COLEC12: variants seen among roughly 807,000 people sequenced by gnomAD.
COLEC12 encodes collectin subfamily member 12.
In COLEC12, 33 loss-of-function variants were observed where a neutral mutation model predicts 71.1. The observed-to-expected ratio is 0.46, with a 90% CI of 0.35 to 0.62. COLEC12 has a LOEUF of 0.62. COLEC12 is among the 20% of genes least tolerant of loss of function. COLEC12 has a pLI of 0.00. For missense variants in COLEC12, 765 were observed against 916.1 expected (o/e 0.84, Z 2.13); for synonymous variants, 350 against 353.0 (o/e 0.99, Z 0.10).
chr18:345,450 C>T (rs748737050), intron 5 of COLEC12, among the ~76,000 whole-genome samples: 2 of 152,100 alleles, frequency 1.3e-5, no homozygotes, highest in Admixed American at 6.5e-5. Flanking sequence ...TGGTCTCAAG[C>T]GATCCTCCCA....
chr18:471,510 A>C (rs1917196904), intron 2 of COLEC12, among the ~76,000 whole-genome samples: 1 of 151,998 alleles, frequency 6.6e-6, no homozygotes, highest in Non-Finnish European at 1.5e-5. Context: ...AAACTAGAAC[A>C]GCACCTTGTA....
intron 2 of COLEC12, among the ~76,000 whole-genome samples, chr18:412,535 C>T (rs1390533692): frequency 3.3e-5 from 5 of 150,040 alleles, no homozygotes; most frequent in Non-Finnish European, 5.9e-5. Flanking sequence ...GAAGGAAGAA[C>T]AAAGCAAACA....
chr18:373,725 C>T (rs577989264), intron 2 of COLEC12, among the ~76,000 whole-genome samples: 3 of 152,076 alleles, frequency 2.0e-5, no homozygotes, highest in Non-Finnish European at 4.4e-5. Flanking sequence ...GCAGCAGCCC[C>T]CCACCTCCCC....
chr18:460,339 G>C lies in COLEC12; in HGVS notation c.58+20368C>G, dbSNP rs149606829. On this transcript the variant is annotated intron_variant, in intron 2 of 9. Transcript: ENST00000400256. ...TCACCTTTTGAATCCCCCATCCCCA[G>C]CCCAAGTTTCATTTTACGCATCAGT... 4.8e-3 allele frequency among the ~76,000 whole-genome samples: 724 copies of C among 152,174 alleles called. 9 individuals carry two copies. The highest frequency in any genetic ancestry group is 0.013 in the African/African-American group (557 of 41,514).
At chr18:372,331 G>A (rs979470914) in intron 2 of COLEC12, among the ~76,000 whole-genome samples, 2 of 152,224 alleles carry the variant, frequency 1.3e-5, no homozygotes, top group South Asian at 2.1e-4. Context: ...GCTGGGAGCA[G>A]GCAATCCAAA....
rs763131541 is a variant in COLEC12, at chr18:335,138, C to T, written c.1420G>A (p.Glu474Lys). ...GNKGQKGEKG[E>K]PGPPGPAGER... The stretch of plus-strand genomic sequence containing the variant: ...CCCGCAGGGCCAGGTGGTCCAGGCT[C>T]CCCCTTCTCTCCTTTCTGTCCCTTG... The change falls in exon 6 of 10, where the codon GAG becomes AAG. Residue 474 changes from glutamate to lysine, a missense_variant. Transcript: ENST00000400256. The T allele has an allele frequency of 1.1e-5, 17 of 1,612,666 alleles. No homozygotes were observed. In the South Asian group the frequency reaches 1.8e-4, roughly 17 times the overall value.
intron 2 of COLEC12, among the ~76,000 whole-genome samples, chr18:368,301 A>G (rs886319419): frequency 5.9e-5 from 9 of 152,252 alleles, no homozygotes; most frequent in Admixed American, 2.6e-4. Flanking sequence ...CACCAGGCAC[A>G]GTGGCTCATG....
intron 2 of COLEC12, among the ~76,000 whole-genome samples, chr18:466,047 G>T (rs1210410274): frequency 6.6e-6 from 1 of 152,060 alleles, no homozygotes; most frequent in East Asian, 1.9e-4. Context: ...CGGCCTTGGG[G>T]ACAGAGTGAG....
chr18:425,512 GT>G (rs1253912559), intron 2 of COLEC12, among the ~76,000 whole-genome samples: 1 of 152,154 alleles, frequency 6.6e-6, no homozygotes, highest in Non-Finnish European at 1.5e-5. Flanking sequence ...ATTCCTGAGA[GT>G]CCCCCCAGGC....
At chr18:361,837 G>A (rs1341575695) in intron 2 of COLEC12, among the ~76,000 whole-genome samples, 1 of 152,170 alleles carries the variant, frequency 6.6e-6, no homozygotes, top group Non-Finnish European at 1.5e-5. Context: ...CATGGCTGAT[G>A]GGCGGGTTTA....
intron 2 of COLEC12, among the ~76,000 whole-genome samples, chr18:470,983 T>TAA (rs35343812): frequency 0.31 from 47,167 of 152,014 alleles, 7,594 homozygotes; most frequent in East Asian, 0.53. Flanking sequence ...GCCTTGGGAA[T>TAA]AAGAATGCAG....
chr18:355,798 A>G lies in COLEC12; in HGVS notation c.181+1602T>C, dbSNP rs1240198201. ...AAAAGGAAGAGAGATAGTCCGGATT[A>G]CCTGGGACATGGAAAACCCTCCTTT... On this transcript the variant is annotated intron_variant, in intron 3 of 9. Transcript: ENST00000400256. Among the ~76,000 whole-genome samples, 6 of 152,226 alleles carry G rather than the reference A, an allele frequency of 3.9e-5. No individual in the cohort carries two copies. The East Asian group carries it at 1.2e-3, about 29-fold the overall frequency.
Position 483,353 on chromosome 18 carries a change from C to T in COLEC12, c.8-2596G>A, listed in dbSNP as rs112771536. 5.9e-3 allele frequency among the ~76,000 whole-genome samples: 892 copies of T among 150,220 alleles called. 9 individuals carry two copies. Among genetic ancestry groups the T allele is most frequent in the African/African-American group, 0.019 (793 of 40,788 alleles). ...TGGAGTTTGCAGTGAGCCAAGATCA[C>T]GCCAACTACACTCCAGCCTGAGCGA... On this transcript the variant is annotated intron_variant, in intron 1 of 9. Coordinates refer to ENST00000400256, the MANE Select transcript of COLEC12 (RefSeq NM_130386.3).
At chr18:339,474 G>A (rs1914196079) in intron 5 of COLEC12, among the ~76,000 whole-genome samples, 1 of 152,162 alleles carries the variant, frequency 6.6e-6, no homozygotes, top group Non-Finnish European at 1.5e-5. Context: ...AAATATCGGG[G>A]GGAAATGCAC....
intron 2 of COLEC12, among the ~76,000 whole-genome samples, chr18:440,965 C>T (rs1320662878): frequency 3.3e-5 from 5 of 152,124 alleles, no homozygotes; most frequent in Admixed American, 2.0e-4. Context: ...AAGGGCTATG[C>T]AGGCCGGGCG....
chr18:323,929 GA>G (rs1293467149), intron 8 of COLEC12, among the ~76,000 whole-genome samples: 1 of 152,154 alleles, frequency 6.6e-6, no homozygotes, highest in Non-Finnish European at 1.5e-5. Context: ...TGAGTGATAA[GA>G]AAGGAGATAA....
intron 8 of COLEC12, among the ~76,000 whole-genome samples, chr18:329,441 T>C (rs1484462463): frequency 6.6e-6 from 1 of 152,186 alleles, no homozygotes; most frequent in Non-Finnish European, 1.5e-5. Context: ...AATTTTGTCT[T>C]TTTTAAAAAA....
Position 319,740 on chromosome 18 carries a change from GATTGGAGTGTTCCA to G in COLEC12, c.*291_*304del, listed in dbSNP as rs372740009. The G allele has an allele frequency of 1.3e-3, 499 of 391,392 alleles. 6 individuals carry two copies. Among genetic ancestry groups the G allele is most frequent in the African/African-American group, 9.9e-3 (462 of 46,770 alleles). The allele number at this position is 391,392 out of a possible 1,614,324, so 24.2% of individuals were successfully genotyped here. On this transcript the variant is annotated 3_prime_UTR_variant, in exon 10 of 10. Coordinates refer to ENST00000400256, the MANE Select transcript of COLEC12 (RefSeq NM_130386.3). ...CAACGACCAATGATAACCTTTTTCTGATTGGAGTGTTCCATACTTTGGAAGACATAATTTGTATA... is the reference window on the plus strand; with the variant it reads ...CAACGACCAATGATAACCTTTTTCTGTACTTTGGAAGACATAATTTGTATA...
In COLEC12 at chr18:399,320, G is replaced by T. The variant is rs1397036907; in HGVS notation, c.59-41798C>A. 1.3e-5 allele frequency among the ~76,000 whole-genome samples: 2 copies of T among 152,190 alleles called. No homozygotes were observed. Among genetic ancestry groups the T allele is most frequent in the African/African-American group, 4.8e-5 (2 of 41,456 alleles). On this transcript the variant is annotated intron_variant, in intron 2 of 9. Coordinates refer to ENST00000400256, the MANE Select transcript of COLEC12 (RefSeq NM_130386.3). This position sits in a 1 kb window ranked among gnomAD's most constrained non-coding sequence, Gnocchi z 4.0. ...CAGCACCACAGACCTTGTGTGTGTGGCAAGGGCCAGGAAAGCAGGCCAGAC... is the reference window on the plus strand; with the variant it reads ...CAGCACCACAGACCTTGTGTGTGTGTCAAGGGCCAGGAAAGCAGGCCAGAC...
Sources: allele counts gnomAD v4.1 joint callset (sites outside exome capture counted in the v4.1 genomes callset), GRCh38; gene constraint gnomAD v4.1.1; non-coding constraint Gnocchi (gnomAD v3.1); transcripts MANE v1.5; gene names NCBI Gene and HGNC (gene_info 2026-07-23, HGNC 2026-07-21).